The following FOXM1 variants were observed in gnomAD, a reference collection of about 807,000 sequenced individuals.
FOXM1 encodes forkhead box protein M1.
FOXM1 carries 25 observed loss-of-function variants against 63.6 expected under a neutral mutation model. The observed-to-expected ratio is 0.39, with a 90% CI of 0.29 to 0.55. The LOEUF (loss-of-function observed/expected upper bound fraction) is 0.55, where lower values mean the gene tolerates loss of function less well. Ranked by LOEUF, FOXM1 falls within the 20% of genes least tolerant of loss-of-function variation. FOXM1 has a pLI of 0.60. For synonymous variants in FOXM1, 387 were observed against 376.9 expected, an observed-to-expected ratio of 1.03 and a Z score of -0.31; for missense variants, 879 against 958.7, an observed-to-expected ratio of 0.92 and a Z score of 1.10.
intron 4 of FOXM1, 35 bp downstream of exon 4, chr12:2,868,527 GC>G: frequency 6.4e-7 from 1 of 1,552,406 alleles, no homozygotes; most frequent in Non-Finnish European, 8.8e-7. Flanking sequence ...GTCAGGCTGG[GC>G]TGACCTTGAT....
intron 5 of FOXM1, 68 bp from the exon 6 acceptor site, chr12:2,865,467 G>C (rs116999607): frequency 0.01 from 13,662 of 1,346,806 alleles, 101 homozygotes; most frequent in Non-Finnish European, 0.012. Flanking sequence ...CAATTTGACC[G>C]GATTGGGAAA....
In FOXM1 at chr12:2,864,549, C is replaced by G; in HGVS notation, c.1091-54G>C. 6.3e-7 allele frequency: 1 copy of G among 1,590,978 alleles called. No individual in the cohort carries two copies. The highest frequency in any genetic ancestry group is 2.2e-5 in the East Asian group (1 of 44,544). On this transcript the variant is annotated intron_variant, in intron 7 of 8. Coordinates refer to ENST00000359843, the MANE Select transcript of FOXM1 (RefSeq NM_021953.4). This position sits in a 1 kb window ranked among gnomAD's most constrained non-coding sequence, Gnocchi z 5.1. ...AGGGGGACTGGAGTACACCCCTTCTCAGCCCCAGGAGCTTTGCTCTCCTTC... is the reference window on the plus strand; with the variant it reads ...AGGGGGACTGGAGTACACCCCTTCTGAGCCCCAGGAGCTTTGCTCTCCTTC...
Position 2,874,389 on chromosome 12 carries a change from C to T in FOXM1, c.90G>A (p.Glu30=). ...VQNAPSETSE[E]EPKRSPAQQE... is the part of the protein sequence containing the mutation. ...GTTGGGCAGGGGATCTCTTAGGTTC[C>T]TCCTCTGATGTTTCACTTGGGGCAT... The change falls in exon 2 of 9, where the codon GAG becomes GAA. Residue 30 remains glutamate (E), a synonymous_variant. Coordinates refer to ENST00000359843, the MANE Select transcript of FOXM1 (RefSeq NM_021953.4). This position sits in a 1 kb window ranked among gnomAD's most constrained non-coding sequence, Gnocchi z 4.3. 6.2e-7 allele frequency: 1 copy of T among 1,614,094 alleles called. No individual in the cohort carries two copies. Among genetic ancestry groups the T allele is most frequent in the African/African-American group, 1.3e-5 (1 of 75,018 alleles).
Position 2,874,385 on chromosome 12 carries a change from G to T in FOXM1, c.94C>A (p.Pro32Thr), listed in dbSNP as rs778147669. ...NAPSETSEEEPKRSPAQQESN... is the reference protein window; with the variant it reads ...NAPSETSEEETKRSPAQQESN... The stretch of plus-strand genomic sequence containing the variant: ...TCCTGTTGGGCAGGGGATCTCTTAG[G>T]TTCCTCCTCTGATGTTTCACTTGGG... Residue 32 changes from proline (P) to threonine (T), a missense_variant, in exon 2 of 9, where the codon CCT becomes ACT. This residue lies in a region of FOXM1 where 255 missense variants were observed against 292.4 expected (regional missense o/e 0.87). Coordinates refer to ENST00000359843, the MANE Select transcript of FOXM1 (RefSeq NM_021953.4). This position sits in a 1 kb window ranked among gnomAD's most constrained non-coding sequence, Gnocchi z 4.3. 1 of 1,614,114 alleles carries T rather than the reference G, an allele frequency of 6.2e-7. No homozygotes were observed. Among genetic ancestry groups the T allele is most frequent in the Admixed American group, 1.7e-5 (1 of 59,998 alleles).
At chr12:2,861,045 G>A (rs542182712) in intron 8 of FOXM1, among the ~76,000 whole-genome samples, 7 of 151,544 alleles carry the variant, frequency 4.6e-5, no homozygotes, top group Admixed American at 3.3e-4. Flanking sequence ...GTGGGCGCCT[G>A]TAATCCCAGC....
intron 3 of FOXM1, among the ~76,000 whole-genome samples, chr12:2,871,007 A>G (rs896141681): frequency 1.3e-5 from 2 of 150,242 alleles, no homozygotes; most frequent in Non-Finnish European, 3.0e-5. Context: ...TTGAGCACAC[A>G]TGGATATGAA....
In FOXM1 at chr12:2,872,837, A is replaced by C. The variant is rs1306386042; in HGVS notation, c.503-590T>G. 6.6e-6 allele frequency among the ~76,000 whole-genome samples: 1 copy of C among 152,138 alleles called. No individual in the cohort carries two copies. Among genetic ancestry groups the C allele is most frequent in the Non-Finnish European group, 1.5e-5 (1 of 68,026 alleles). On this transcript the variant is annotated intron_variant, in intron 2 of 8. Transcript: ENST00000359843. This position sits in a 1 kb window ranked among gnomAD's most constrained non-coding sequence, Gnocchi z 4.0. ...ACAAAAGAATTATTGAGATATGCAC[A>C]CCAAAAAAGTCACTTTTCAGCCTGG...
rs373291558 is a variant in FOXM1 at position 2,866,492 on chromosome 12, G to A, written c.876C>T (p.His292=). ...KNSIRHNLSL[H]DMFVRETSAN... ...CAGACGTCTCCCGGACAAACATGTCGTGCAGGGAAAGGTTGTGGCGGATGG... is the reference window on the plus strand; with the variant it reads ...CAGACGTCTCCCGGACAAACATGTCATGCAGGGAAAGGTTGTGGCGGATGG... The change falls in exon 5 of 9, where the codon CAC becomes CAT. Residue 292 remains histidine (H), a synonymous_variant. Transcript: ENST00000359843. 4.6e-5 allele frequency: 72 copies of A among 1,572,700 alleles called. No individual in the cohort carries two copies. In the East Asian group the frequency reaches 5.3e-4, roughly 12 times the overall value.
In FOXM1 at chr12:2,868,316, G is replaced by A. The variant is rs1174032945; in HGVS notation, c.846+247C>T. 1.7e-5 allele frequency: 6 copies of A among 349,594 alleles called. No individual in the cohort carries two copies. In the East Asian group the frequency reaches 2.2e-4, roughly 13 times the overall value. 21.7% of individuals were successfully genotyped at this position (349,594 alleles called of 1,614,324 possible). A position where few individuals can be genotyped will look rare whatever the true frequency, so the allele number is the denominator to read the frequency against. On this transcript the variant is annotated intron_variant, in intron 4 of 8. Transcript: ENST00000359843. ...CGGCTGTTGAGTGTAGCAGAAAAGT[G>A]GGCTTGAGTGCTACATTGAAGACCC...
intron 2 of FOXM1, 88 bp downstream of exon 2, chr12:2,873,889 T>A: frequency 7.0e-7 from 1 of 1,420,502 alleles, no homozygotes; most frequent in Non-Finnish European, 9.6e-7. Flanking sequence ...GAAGCCTGAC[T>A]GTTGTAAGCA....
At chr12:2,862,181 GAAA>G (rs962205817) in intron 8 of FOXM1, among the ~76,000 whole-genome samples, 1 of 102,420 alleles carries the variant, frequency 9.8e-6, no homozygotes, top group South Asian at 3.2e-4. Flanking sequence ...TCCGTCTCAG[GAAA>G]AAAAAAAAAA....
rs558186915 is a variant in FOXM1 at position 2,872,633 on chromosome 12, T to C, written c.503-386A>G. Among the ~76,000 whole-genome samples, 115 of 152,002 alleles carry C rather than the reference T, an allele frequency of 7.6e-4. No homozygotes were observed. The highest frequency in any genetic ancestry group is 9.9e-4 in the Non-Finnish European group (67 of 67,984). On this transcript the variant is annotated intron_variant, in intron 2 of 8. Coordinates refer to ENST00000359843, the MANE Select transcript of FOXM1 (RefSeq NM_021953.4). This position sits in a 1 kb window ranked among gnomAD's most constrained non-coding sequence, Gnocchi z 4.0. ...TAAAAAATAAAAAAGAAAGAATTGGTGGCTAGGGATCACTTGTCCAAGACC... is the reference window on the plus strand; with the variant it reads ...TAAAAAATAAAAAAGAAAGAATTGGCGGCTAGGGATCACTTGTCCAAGACC...
chr12:2,867,700 G>A (rs1280973136), intron 4 of FOXM1, among the ~76,000 whole-genome samples: 4 of 151,000 alleles, frequency 2.6e-5, no homozygotes, highest in African/African-American at 9.7e-5. Context: ...GAGGGGCCAG[G>A]TGTGGTGGCT....
intron 8 of FOXM1, chr12:2,861,387 C>T: frequency 3.0e-6 from 2 of 672,392 alleles, no homozygotes; most frequent in Non-Finnish European, 5.4e-6. Context: ...ACTCATGTAA[C>T]CAAACACCAC....
chr12:2,861,469 G>C (rs988833166), intron 8 of FOXM1: 1 of 549,614 alleles, frequency 1.8e-6, no homozygotes, highest in Non-Finnish European at 3.1e-6. Flanking sequence ...AAATTAAGAA[G>C]ATATAACCTA....
intron 1 of FOXM1, among the ~76,000 whole-genome samples, chr12:2,875,310 T>A (rs2098140724): frequency 6.6e-6 from 1 of 152,094 alleles, no homozygotes; most frequent in African/African-American, 2.4e-5. Flanking sequence ...TTGATTTTTA[T>A]ATTACTTTGT....
At position 2,859,269 on chromosome 12, in the gene FOXM1, C is replaced by T. The variant is rs746630510; in HGVS notation, c.1661G>A (p.Cys554Tyr). ...SRRKQHLLPPCVDEPELLFSE... is the reference protein window; with the variant it reads ...SRRKQHLLPPYVDEPELLFSE... ...GAAGAGCAGCTCCGGCTCATCCACA[C>T]AGGGAGGCAGTAGATGCTGTTTTCT... The change falls in exon 9 of 9, where the codon TGT becomes TAT. Residue 554 changes from cysteine (C) to tyrosine (Y), a missense_variant. Cys to Tyr is a radical substitution (Grantham distance 194). Around this residue, in one of 4 missense-constraint regions of FOXM1, gnomAD observed 486 missense variants for 453.5 expected, o/e 1.07. Transcript: ENST00000359843. 2.5e-6 allele frequency: 4 copies of T among 1,613,754 alleles called. No individual in the cohort carries two copies. The highest frequency in any genetic ancestry group is 3.4e-6 in the Non-Finnish European group (4 of 1,180,014).
At position 2,864,866 on chromosome 12, in the gene FOXM1, C is replaced by G. The variant is rs1302625383; in HGVS notation, c.1021-114G>C. 10 of 1,228,310 alleles carry G rather than the reference C, an allele frequency of 8.1e-6. No individual in the cohort carries two copies. The East Asian group carries it at 2.3e-4, about 29-fold the overall frequency. The allele number at this position is 1,228,310 out of a possible 1,614,324, so 76.1% of individuals were successfully genotyped here. A position where few individuals can be genotyped will look rare whatever the true frequency, so the allele number is the denominator to read the frequency against. On this transcript the variant is annotated intron_variant, in intron 6 of 8. Coordinates refer to ENST00000359843, the MANE Select transcript of FOXM1 (RefSeq NM_021953.4). This position sits in a 1 kb window ranked among gnomAD's most constrained non-coding sequence, Gnocchi z 5.1. Reference sequence around the variant, plus strand: ...GGTGTGTGCTTGAGTTAATGACAGCCCAGAGAGAGGAGGCCAACCTGAGGG... The same window carrying G: ...GGTGTGTGCTTGAGTTAATGACAGCGCAGAGAGAGGAGGCCAACCTGAGGG...
chr12:2,872,167 G>A lies in FOXM1; in HGVS notation c.583C>T (p.Leu195=). 6.2e-7 allele frequency: 1 copy of A among 1,614,112 alleles called. No homozygotes were observed. Among genetic ancestry groups the A allele is most frequent in the South Asian group, 1.1e-5 (1 of 91,084 alleles). The change falls in exon 3 of 9, where the codon CTG becomes TTG. Residue 195 remains leucine (L), a synonymous_variant. Transcript: ENST00000359843. The surrounding 1 kb of genome is among the most constrained non-coding windows in gnomAD (Gnocchi z 4.0). ...QWLRKMSSDG[L]GSRSIKQEME... ...TCTTGCTTGATGCTGCGGGAGCCCAGTCCATCAGAACTCATCTTTCGAAGC... is the reference window on the plus strand; with the variant it reads ...TCTTGCTTGATGCTGCGGGAGCCCAATCCATCAGAACTCATCTTTCGAAGC...
Sources: gnomAD v4.1 joint callset for allele counts (sites outside exome capture counted in the v4.1 genomes callset) on GRCh38, gnomAD v4.1.1 for gene constraint, gnomAD v4.1.1 regional missense constraint, Gnocchi (gnomAD v3.1) non-coding constraint, MANE v1.5 for transcripts, NCBI Gene and HGNC (gene_info 2026-07-23, HGNC 2026-07-21) for gene names.